The following PRKCQ variants were observed in gnomAD, a reference collection of about 807,000 sequenced individuals.
PRKCQ encodes the protein protein kinase C theta.
In PRKCQ, 41 loss-of-function variants were observed where a neutral mutation model predicts 91.2. That is an observed-to-expected ratio of 0.45 (90% CI 0.35 to 0.58). PRKCQ has a LOEUF of 0.58. PRKCQ is among the 20% of genes least tolerant of loss of function. PRKCQ has a pLI of 0.00. For synonymous variants in PRKCQ, 307 were observed against 316.9 expected (o/e 0.97, Z 0.33); for missense variants, 673 against 896.5 (o/e 0.75, Z 3.18).
intron 4 of PRKCQ, among the ~76,000 whole-genome samples, chr10:6,503,536 G>T (rs1838030551): frequency 6.6e-6 from 1 of 152,154 alleles, no homozygotes; most frequent in Non-Finnish European, 1.5e-5. Context: ...CTGTTATGGA[G>T]AGCTGAGCCA....
intron 1 of PRKCQ, among the ~76,000 whole-genome samples, chr10:6,549,285 T>C (rs1435513176): frequency 6.6e-6 from 1 of 152,286 alleles, no homozygotes; most frequent in East Asian, 1.9e-4. Context: ...ATGGGATTCA[T>C]TAGAGTTCCC....
At chr10:6,524,923 C>T (rs953899188) in intron 1 of PRKCQ, among the ~76,000 whole-genome samples, 2 of 152,146 alleles carry the variant, frequency 1.3e-5, no homozygotes, top group Non-Finnish European at 2.9e-5. Flanking sequence ...CCATCCACCA[C>T]GGAGTTCAGC....
chr10:6,446,147 C>A lies in PRKCQ; in HGVS notation c.1648-4066G>T, dbSNP rs551447765. On this transcript the variant is annotated intron_variant, in intron 15 of 17. Coordinates refer to ENST00000263125, the MANE Select transcript of PRKCQ (RefSeq NM_006257.5). ...GTTATGTCTTTTATTGATAAGAACC[C>A]CCCTGAGCTAGGCACAGTTATCCCT... 1.2e-4 allele frequency among the ~76,000 whole-genome samples: 19 copies of A among 152,178 alleles called. 1 individual carries two copies. Among genetic ancestry groups the A allele is most frequent in the African/African-American group, 4.6e-4 (19 of 41,516 alleles).
At chr10:6,501,546 G>A (rs1229779023) in intron 4 of PRKCQ, among the ~76,000 whole-genome samples, 1 of 152,032 alleles carries the variant, frequency 6.6e-6, no homozygotes, top group Non-Finnish European at 1.5e-5. Flanking sequence ...TCTCGGCTGG[G>A]CGTGGTAGCT....
chr10:6,502,590 G>C (rs1201400147), intron 4 of PRKCQ, among the ~76,000 whole-genome samples: 1 of 152,192 alleles, frequency 6.6e-6, no homozygotes, highest in Non-Finnish European at 1.5e-5. Context: ...TAGGGGCAGA[G>C]GCTTGATATG....
chr10:6,460,226 G>A (rs949613869), intron 14 of PRKCQ, among the ~76,000 whole-genome samples: 4 of 151,522 alleles, frequency 2.6e-5, no homozygotes, highest in African/African-American at 9.7e-5. Context: ...TAACTTCCAT[G>A]CATGGGCAGG....
At chr10:6,464,512 T>A in intron 12 of PRKCQ, 108 bp from the exon 13 acceptor site, 1 of 885,330 alleles carries the variant, frequency 1.1e-6, no homozygotes, top group East Asian at 2.6e-5. Context: ...TGCAGTGGCG[T>A]GATCTCGGGT....
chr10:6,476,490 CT>C (rs1230936806), intron 12 of PRKCQ, among the ~76,000 whole-genome samples: 3 of 152,212 alleles, frequency 2.0e-5, no homozygotes, highest in African/African-American at 7.2e-5. Flanking sequence ...ATTTTTCATG[CT>C]TATACATGCA....
rs961723210 is a variant in PRKCQ at position 6,497,544 on chromosome 10, C to T, written c.543-293G>A. On this transcript the variant is annotated intron_variant, in intron 5 of 17. Coordinates refer to ENST00000263125, the MANE Select transcript of PRKCQ (RefSeq NM_006257.5). This position sits in a 1 kb window ranked among gnomAD's most constrained non-coding sequence, Gnocchi z 4.5. ...GAAAATGCATGCATCACAGACTCTT[C>T]GTAGCACGTTTCCCTGTGCTAGATT... is the stretch of plus-strand genomic sequence containing the variant. Among the ~76,000 whole-genome samples the T allele has an allele frequency of 6.6e-6, 1 of 152,230 alleles. No individual in the cohort carries two copies.
chr10:6,510,890 C>T lies in PRKCQ; in HGVS notation c.318+105G>A, dbSNP rs563798. On this transcript the variant is annotated intron_variant, in intron 3 of 17. Transcript: ENST00000263125. Reference sequence around the variant, plus strand: ...GGAAGTGGTAGGGAGCCTGGTGACCCGAGGCCAGTGTAATCACACCCTCAG... The same window carrying T: ...GGAAGTGGTAGGGAGCCTGGTGACCTGAGGCCAGTGTAATCACACCCTCAG... The T allele has an allele frequency of 0.13, 177,106 of 1,349,988 alleles. 12,472 individuals carry two copies. The highest frequency in any genetic ancestry group is 0.18 in the Middle Eastern group (833 of 4,712). 83.6% of individuals were successfully genotyped at this position (1,349,988 alleles called of 1,614,324 possible).
the PRKCQ span, among the ~76,000 whole-genome samples, chr10:6,410,999 G>A: frequency 2.1e-5 from 3 of 139,998 alleles, no homozygotes; most frequent in African/African-American, 7.8e-5. Context: ...AAAAAAAAAG[G>A]TCCATTCCAA....
At chr10:6,494,539 A>G (rs1033209652) in intron 7 of PRKCQ, among the ~76,000 whole-genome samples, 2 of 151,886 alleles carry the variant, frequency 1.3e-5, no homozygotes, top group Non-Finnish European at 2.9e-5. Flanking sequence ...TAAGCCTGTG[A>G]AGATCTGCAC....
At chr10:6,566,273 C>T (rs1008390519) in intron 1 of PRKCQ, among the ~76,000 whole-genome samples, 7 of 120,974 alleles carry the variant, frequency 5.8e-5, no homozygotes, top group African/African-American at 2.0e-4. Flanking sequence ...ATACATGCCA[C>T]CAGTGGTTGC....
intron 16 of PRKCQ, among the ~76,000 whole-genome samples, chr10:6,440,157 C>T (rs1316922197): frequency 3.9e-5 from 6 of 152,216 alleles, no homozygotes; most frequent in Admixed American, 3.9e-4. Flanking sequence ...TTTCCTGAGG[C>T]CTCCCCAGCC....
At chr10:6,521,899 TATGTG>T (rs57109400) in intron 1 of PRKCQ, among the ~76,000 whole-genome samples, 54,292 of 130,978 alleles carry the variant, frequency 0.41, 12,644 homozygotes, top group Admixed American at 0.58. Flanking sequence ...TATGTTATGT[TATGTG>T]ATGTTATGTT....
intron 1 of PRKCQ, among the ~76,000 whole-genome samples, chr10:6,554,124 C>G (rs1048649180): frequency 6.6e-6 from 1 of 152,116 alleles, no homozygotes; most frequent in Non-Finnish European, 1.5e-5. Context: ...CTAATGTTCT[C>G]ATCTGTAAAG....
chr10:6,438,622 G>T (rs1336044240), intron 16 of PRKCQ, among the ~76,000 whole-genome samples: 2 of 152,052 alleles, frequency 1.3e-5, no homozygotes, highest in Non-Finnish European at 1.5e-5. Context: ...GGGGGACAGG[G>T]TCTTGCTCTG....
chr10:6,449,698 C>T (rs890489099), intron 15 of PRKCQ, among the ~76,000 whole-genome samples: 3 of 152,186 alleles, frequency 2.0e-5, no homozygotes, highest in Admixed American at 2.0e-4. Context: ...GTCGGGTTAC[C>T]CACAAAGGGA....
intron 8 of PRKCQ, among the ~76,000 whole-genome samples, chr10:6,490,981 G>A (rs1404749041): frequency 6.6e-6 from 1 of 152,026 alleles, no homozygotes; most frequent in African/African-American, 2.4e-5. Context: ...GAGTTGTACA[G>A]CAAGAAAGCC....
Sources: allele counts gnomAD v4.1 joint callset (sites outside exome capture counted in the v4.1 genomes callset), GRCh38; gene constraint gnomAD v4.1.1; non-coding constraint Gnocchi (gnomAD v3.1); transcripts MANE v1.5; gene names NCBI Gene and HGNC (gene_info 2026-07-23, HGNC 2026-07-21).